Variants in MCTP1 observed in about 807,000 individuals in gnomAD.
MCTP1 encodes multiple C2 and transmembrane domain-containing protein 1.
Under a neutral mutation model 120.6 loss-of-function variants are expected in MCTP1, and 69 were observed. The observed-to-expected ratio is 0.57, with a 90% CI of 0.47 to 0.70. The LOEUF is 0.70. Among genes scored for constraint, MCTP1 ranks in the 30% least tolerant of loss-of-function variants. MCTP1 has a pLI of 0.00. For synonymous variants in MCTP1, 529 were observed against 493.1 expected (o/e 1.07, Z -0.96); for missense variants, 1,203 against 1,248.8 (o/e 0.96, Z 0.55).
chr5:94,898,400 G>T (rs1197969062), intron 10 of MCTP1, among the ~76,000 whole-genome samples: 6 of 152,058 alleles, frequency 3.9e-5, no homozygotes, highest in Non-Finnish European at 8.8e-5. Flanking sequence ...TTTACTGATG[G>T]GTATCAAATC....
rs774000486 is a variant in MCTP1, at chr5:95,201,463, GGTTTTTTTTTTTTTTTTTTT to G, written c.720+82373_720+82392del. 3.4e-3 allele frequency among the ~76,000 whole-genome samples: 408 copies of G among 120,718 alleles called. 21 individuals are homozygous for G. The highest frequency in any genetic ancestry group is 0.015 in the South Asian group (55 of 3,594). 79.2% of individuals were successfully genotyped at this position (120,718 alleles called of 152,430 possible). A position where few individuals can be genotyped will look rare whatever the true frequency, so the allele number is the denominator to read the frequency against. Reference sequence around the variant, plus strand: ...AAGGGATAAAATGTAAAGGAAAAGTGGTTTTTTTTTTTTTTTTTTTTTTTTTTTTTTTTTTTTTTTTTTTT... The same window carrying G: ...AAGGGATAAAATGTAAAGGAAAAGTGTTTTTTTTTTTTTTTTTTTTTTTTT... On this transcript the variant is annotated intron_variant, in intron 1 of 22. Coordinates refer to ENST00000515393, the MANE Select transcript of MCTP1 (RefSeq NM_024717.7).
chr5:95,076,168 A>G (rs1753507678), intron 1 of MCTP1, among the ~76,000 whole-genome samples: 1 of 151,568 alleles, frequency 6.6e-6, no homozygotes, highest in East Asian at 1.9e-4. Flanking sequence ...AGAAAATTAT[A>G]ATGATATATT....
At chr5:95,005,264 G>A (rs1478838597) in intron 2 of MCTP1, among the ~76,000 whole-genome samples, 1 of 152,108 alleles carries the variant, frequency 6.6e-6, no homozygotes, top group African/African-American at 2.4e-5. Context: ...TAACTAACTT[G>A]TTTTTTATTT....
chr5:95,110,604 AAC>A (rs1453542307), intron 1 of MCTP1, among the ~76,000 whole-genome samples: 3 of 152,164 alleles, frequency 2.0e-5, no homozygotes, highest in Admixed American at 6.6e-5. Context: ...AAACCTAACT[AAC>A]ACATTGATTT....
At chr5:94,804,241 G>T (rs1044084499) in intron 17 of MCTP1, among the ~76,000 whole-genome samples, 1 of 152,162 alleles carries the variant, frequency 6.6e-6, no homozygotes, top group African/African-American at 2.4e-5. Flanking sequence ...CCAAAGAAGT[G>T]ATTTCAGTTC....
At chr5:94,987,936 C>T (rs1394283852) in intron 2 of MCTP1, among the ~76,000 whole-genome samples, 1 of 152,110 alleles carries the variant, frequency 6.6e-6, no homozygotes, top group Non-Finnish European at 1.5e-5. Flanking sequence ...CATGTAATTA[C>T]ATCTCATCAT....
chr5:94,809,823 G>A (rs1231364298), intron 17 of MCTP1, among the ~76,000 whole-genome samples: 1 of 152,112 alleles, frequency 6.6e-6, no homozygotes, highest in African/African-American at 2.4e-5. Flanking sequence ...AGTTAACGCT[G>A]TTAAACTCAC....
chr5:94,940,020 T>C (rs1817185174), intron 5 of MCTP1, 64 bp downstream of exon 5: 2 of 903,860 alleles, frequency 2.2e-6, no homozygotes, highest in African/African-American at 3.3e-5. Context: ...CATCTCTGGG[T>C]CCAGAGAAAG....
intron 2 of MCTP1, among the ~76,000 whole-genome samples, chr5:94,969,356 T>C (rs964906972): frequency 3.3e-5 from 5 of 152,162 alleles, no homozygotes; most frequent in African/African-American, 1.2e-4. Flanking sequence ...CTATCTTCCC[T>C]TAAACTAGTA....
intron 2 of MCTP1, among the ~76,000 whole-genome samples, chr5:94,991,699 C>G (rs1462502847): frequency 7.2e-6 from 1 of 139,736 alleles, no homozygotes; most frequent in Non-Finnish European, 1.5e-5. Flanking sequence ...CATGGTGAAA[C>G]CTCGTCTCTA....
intron 1 of MCTP1, among the ~76,000 whole-genome samples, chr5:95,272,008 A>G (rs1235785000): frequency 6.6e-6 from 1 of 152,174 alleles, no homozygotes; most frequent in Non-Finnish European, 1.5e-5. Context: ...TTTAAATGTA[A>G]TACTATTACT....
intron 10 of MCTP1, among the ~76,000 whole-genome samples, chr5:94,905,820 G>A (rs1806727911): frequency 6.6e-6 from 1 of 152,116 alleles, no homozygotes. Flanking sequence ...GAGTGGAGCT[G>A]GACTCTTGTG....
At chr5:95,020,048 C>T (rs1397839055) in intron 1 of MCTP1, among the ~76,000 whole-genome samples, 1 of 151,986 alleles carries the variant, frequency 6.6e-6, no homozygotes, top group Non-Finnish European at 1.5e-5. Context: ...AAATATTAAG[C>T]TTATATAGGT....
intron 2 of MCTP1, among the ~76,000 whole-genome samples, chr5:94,984,409 G>T (rs387468): frequency 0.72 from 108,998 of 152,080 alleles, 39,499 homozygotes; most frequent in Admixed American, 0.81. Flanking sequence ...CATGGTATAC[G>T]TTTAGGAAAT....
intron 17 of MCTP1, among the ~76,000 whole-genome samples, chr5:94,815,800 C>T (rs1238324360): frequency 3.9e-5 from 6 of 152,042 alleles, no homozygotes; most frequent in African/African-American, 1.4e-4. Context: ...GGCTCAAGAC[C>T]GTCTGGGTCT....
intron 3 of MCTP1, 128 bp from the exon 4 acceptor site, chr5:94,942,555 T>C: frequency 1.7e-6 from 1 of 571,854 alleles, no homozygotes; most frequent in East Asian, 3.2e-5. Flanking sequence ...TATTTTAAAA[T>C]AATTGTTTTT....
chr5:94,707,986 AC>A (rs879894062), intron 22 of MCTP1, among the ~76,000 whole-genome samples: 32 of 151,104 alleles, frequency 2.1e-4, no homozygotes, highest in South Asian at 1.9e-3. Context: ...AAAAAAAAAA[AC>A]AAACTTCTTT....
chr5:94,812,506 A>C (rs532030832), intron 17 of MCTP1, among the ~76,000 whole-genome samples: 13 of 151,760 alleles, frequency 8.6e-5, no homozygotes, highest in Admixed American at 5.3e-4. Flanking sequence ...CAAAAAAAAA[A>C]CCCTTCTACA....
intron 1 of MCTP1, among the ~76,000 whole-genome samples, chr5:95,270,293 A>G (rs933606516): frequency 1.5e-4 from 23 of 152,238 alleles, no homozygotes; most frequent in Non-Finnish European, 5.9e-5. Context: ...GGTCCATCAT[A>G]CAGATGTATA....
Sources: allele counts gnomAD v4.1 joint callset (sites outside exome capture counted in the v4.1 genomes callset), GRCh38; gene constraint gnomAD v4.1.1; transcripts MANE v1.5; gene names NCBI Gene and HGNC (gene_info 2026-07-23, HGNC 2026-07-21).